Variants in PSMB10 observed in about 807,000 individuals in gnomAD.
The protein encoded by PSMB10 is proteasome 20S subunit beta 10.
In PSMB10, 29 loss-of-function variants were observed where a neutral mutation model predicts 29.8. The ratio of observed to expected loss-of-function variants is 0.97; its 90% confidence interval spans 0.73 to 1.33. PSMB10 has a LOEUF of 1.33. Ranked by LOEUF, PSMB10 falls within the 40% of genes most tolerant of loss-of-function variation. The pLI is 0.00. For missense variants in PSMB10, 327 were observed against 369.2 expected, an observed-to-expected ratio of 0.89 and a Z score of 0.94; for synonymous variants, 157 against 164.7, an observed-to-expected ratio of 0.95 and a Z score of 0.36.
At position 67,935,568 on chromosome 16, in the gene PSMB10, A is replaced by T; in HGVS notation, c.499+14T>A. ...CAGGGGCAGAGTTCGAGGAGAAGGG[A>T]CAGAAGCGCTCACCCAGGGCTGTGA... On this transcript the variant is annotated intron_variant, in intron 5 of 7. Coordinates refer to ENST00000358514, the MANE Select transcript of PSMB10 (RefSeq NM_002801.4). 2 of 1,613,914 alleles carry T rather than the reference A, an allele frequency of 1.2e-6. No homozygotes were observed. Among genetic ancestry groups the T allele is most frequent in the Non-Finnish European group, 1.7e-6 (2 of 1,179,810 alleles).
rs746101567 is a variant in PSMB10, at chr16:67,936,450, T to C, written c.92A>G (p.Lys31Arg). ...ASLERVLPGL[K>R]VPHARKTGTT... is the part of the protein sequence containing the mutation. ...CCCGGTCTTGCGTGCGTGAGGGACCTTGAGCCCCGGGAGGACGCGTTCCAA... is the reference window on the plus strand; with the variant it reads ...CCCGGTCTTGCGTGCGTGAGGGACCCTGAGCCCCGGGAGGACGCGTTCCAA... Residue 31 changes from lysine to arginine, a missense_variant, in exon 2 of 8, where the codon AAG (lysine) becomes AGG (arginine). Physicochemically the swap from Lys to Arg is conservative, Grantham distance 26. Coordinates refer to ENST00000358514, the MANE Select transcript of PSMB10 (RefSeq NM_002801.4). 1.5e-5 allele frequency: 24 copies of C among 1,613,450 alleles called. No homozygotes were observed. In the Admixed American group the frequency reaches 3.7e-4, roughly 25 times the overall value.
intron 1 of PSMB10, 34 bp downstream of exon 1, chr16:67,936,660 T>TCAGG: frequency 6.5e-7 from 1 of 1,532,584 alleles, no homozygotes; most frequent in Non-Finnish European, 8.8e-7. Context: ...CAGAGGCGGC[T>TCAGG]CAGGAGTGAC....
At chr16:67,936,146 G>A in intron 3 of PSMB10, 43 bp from the exon 4 acceptor site, 1 of 1,608,830 alleles carries the variant, frequency 6.2e-7, no homozygotes. Flanking sequence ...GCTGGGACGT[G>A]CGGGGACCGG....
chr16:67,935,430 G>A lies in PSMB10; in HGVS notation c.548C>T (p.Pro183Leu). The change falls in exon 6 of 8, where the codon CCG becomes CTG. Residue 183 changes from proline (P) to leucine (L), a missense_variant. Pro to Leu is a moderately conservative substitution (Grantham distance 98). Transcript: ENST00000358514. ...ACAGAGGCCGCTCACCGTCATGTTC[G>A]GCTGGAACCGGTCTTCTAGCACCGC... ...ALAVLEDRFQ[P>L]NMTLEAAQGL... The A allele has an allele frequency of 6.2e-7, 1 of 1,614,008 alleles. No individual in the cohort carries two copies. The highest frequency in any genetic ancestry group is 2.2e-5 in the East Asian group (1 of 44,876).
rs1179363814 is a variant in PSMB10 at position 67,936,756 on chromosome 16, G to A, written c.-7C>T. The A allele has an allele frequency of 4.5e-6, 7 of 1,555,344 alleles. No individual in the cohort carries two copies. The highest frequency in any genetic ancestry group is 8.7e-7 in the Non-Finnish European group (1 of 1,149,240). Reference sequence around the variant, plus strand: ...CCAGGGCTGGCTTCAGCATCTTGGGGCAGGCAGAGGGGATTAGGGGTCGCG... The same window carrying A: ...CCAGGGCTGGCTTCAGCATCTTGGGACAGGCAGAGGGGATTAGGGGTCGCG... On this transcript the variant is annotated 5_prime_UTR_variant, in exon 1 of 8. Coordinates refer to ENST00000358514, the MANE Select transcript of PSMB10 (RefSeq NM_002801.4).
chr16:67,935,557 G>A, intron 5 of PSMB10, 25 bp downstream of exon 5: 1 of 1,613,572 alleles, frequency 6.2e-7, no homozygotes, highest in South Asian at 1.1e-5. Flanking sequence ...GGCAGAGTTC[G>A]AGGAGAAGGG....
At position 67,936,774 on chromosome 16, in the gene PSMB10, G is replaced by C; in HGVS notation, c.-25C>G. On this transcript the variant is annotated 5_prime_UTR_variant, in exon 1 of 8. Coordinates refer to ENST00000358514, the MANE Select transcript of PSMB10 (RefSeq NM_002801.4). ...TCTTGGGGCAGGCAGAGGGGATTAG[G>C]GGTCGCGGGCGGATGAGTCGGCCAG... 3 of 1,548,874 alleles carry C rather than the reference G, an allele frequency of 1.9e-6. No individual in the cohort carries two copies. The highest frequency in any genetic ancestry group is 2.6e-6 in the Non-Finnish European group (3 of 1,145,864).
At position 67,936,323 on chromosome 16, in the gene PSMB10, G is replaced by A; in HGVS notation, c.145-11C>T. The A allele has an allele frequency of 3.1e-6, 5 of 1,612,364 alleles. No individual in the cohort carries two copies. The highest frequency in any genetic ancestry group is 4.2e-6 in the Non-Finnish European group (5 of 1,178,870). ...CAGAATGACCCCGTCCTGAGGAGAGGGAGGGACCGCAGCTTCAGTGCCTGC... is the reference window on the plus strand; with the variant it reads ...CAGAATGACCCCGTCCTGAGGAGAGAGAGGGACCGCAGCTTCAGTGCCTGC... On this transcript the variant is annotated splice_polypyrimidine_tract_variant and intron_variant, in intron 2 of 7. Coordinates refer to ENST00000358514, the MANE Select transcript of PSMB10 (RefSeq NM_002801.4).
In PSMB10 at chr16:67,935,475, G is replaced by C. The variant is rs1055071368; in HGVS notation, c.503C>G (p.Ser168Cys). 1 of 1,614,106 alleles carries C rather than the reference G, an allele frequency of 6.2e-7. No individual in the cohort carries two copies. The highest frequency in any genetic ancestry group is 1.3e-5 in the African/African-American group (1 of 74,950). ...CACCGCCAGGGCCGCGTCCTGACCAGAGCCTGAAGGCAGGAGAAGCATCTG... is the reference window on the plus strand; with the variant it reads ...CACCGCCAGGGCCGCGTCCTGACCACAGCCTGAAGGCAGGAGAAGCATCTG... ...YSRLPFTALG[S>C]GQDAALAVLE... Residue 168 changes from serine (S) to cysteine (C), a missense_variant, in exon 6 of 8, where the codon TCT becomes TGT. By Grantham distance (112) the Ser-to-Cys change is moderately radical. Transcript: ENST00000358514.
In PSMB10 at chr16:67,934,535, C is replaced by G. The variant is rs1567405511; in HGVS notation, c.*25G>C. Reference sequence around the variant, plus strand: ...ACTGTATTTTCTGGGTTTATTCCCCCTTGTTCCAAGCTCTAAGCCTCAGCT... The same window carrying G: ...ACTGTATTTTCTGGGTTTATTCCCCGTTGTTCCAAGCTCTAAGCCTCAGCT... On this transcript the variant is annotated 3_prime_UTR_variant, in exon 8 of 8. Coordinates refer to ENST00000358514, the MANE Select transcript of PSMB10 (RefSeq NM_002801.4). The surrounding 1 kb of genome is among the most constrained non-coding windows in gnomAD (Gnocchi z 4.3). 1 of 1,599,322 alleles carries G rather than the reference C, an allele frequency of 6.3e-7. No homozygotes were observed. Among genetic ancestry groups the G allele is most frequent in the East Asian group, 2.2e-5 (1 of 44,782 alleles).
chr16:67,934,752 C>G lies in PSMB10; in HGVS notation c.710+45G>C. On this transcript the variant is annotated intron_variant, in intron 7 of 7. Coordinates refer to ENST00000358514, the MANE Select transcript of PSMB10 (RefSeq NM_002801.4). The surrounding 1 kb of genome is among the most constrained non-coding windows in gnomAD (Gnocchi z 4.3). ...TTTTTGCAGCCCCCTATCTCCCCTG[C>G]TATAGCCCCACACATCCCTGTGGTC... is the stretch of plus-strand genomic sequence containing the variant. The G allele has an allele frequency of 6.2e-7, 1 of 1,610,786 alleles. No homozygotes were observed. Among genetic ancestry groups the G allele is most frequent in the South Asian group, 1.1e-5 (1 of 91,030 alleles).
rs767984047 is a variant in PSMB10, at chr16:67,934,702, T to C, written c.711-31A>G. 1 of 1,613,148 alleles carries C rather than the reference T, an allele frequency of 6.2e-7. No homozygotes were observed. Among genetic ancestry groups the C allele is most frequent in the East Asian group, 2.2e-5 (1 of 44,860 alleles). On this transcript the variant is annotated intron_variant, in intron 7 of 7. Transcript: ENST00000358514. The surrounding 1 kb of genome is among the most constrained non-coding windows in gnomAD (Gnocchi z 4.3). ...AGGGAGGAGGGACAGCCTCTGAACATGGGCCTGTCATGTGGCCCATCCCCT... is the reference window on the plus strand; with the variant it reads ...AGGGAGGAGGGACAGCCTCTGAACACGGGCCTGTCATGTGGCCCATCCCCT...
At position 67,935,972 on chromosome 16, in the gene PSMB10, G is replaced by A; in HGVS notation, c.374C>T (p.Thr125Met). The change falls in exon 4 of 8, where the codon ACG (threonine) becomes ATG (methionine). Residue 125 changes from threonine (T) to methionine (M), a missense_variant. Physicochemically the swap from Thr to Met is moderately conservative, Grantham distance 81. Coordinates refer to ENST00000358514, the MANE Select transcript of PSMB10 (RefSeq NM_002801.4). ...VATVTRILRQ[T>M]LFRYQGHVGA... ...AGCCCTGCCCCCGCACCTGAAGAGCGTCTGGCGCAGGATGCGAGTGACCGT... is the reference window on the plus strand; with the variant it reads ...AGCCCTGCCCCCGCACCTGAAGAGCATCTGGCGCAGGATGCGAGTGACCGT... 1.2e-6 allele frequency: 2 copies of A among 1,610,836 alleles called. No individual in the cohort carries two copies. The highest frequency in any genetic ancestry group is 8.5e-7 in the Non-Finnish European group (1 of 1,178,140).
At chr16:67,935,153 T>A (rs1320033078) in intron 6 of PSMB10, 1 of 725,704 alleles carries the variant, frequency 1.4e-6, no homozygotes, top group East Asian at 2.7e-5. Context: ...CAGACGTTGA[T>A]ATAAGTAGGA....
Position 67,935,898 on chromosome 16 carries a change from C to G in PSMB10, c.383+65G>C. 23 of 1,567,406 alleles carry G rather than the reference C, an allele frequency of 1.5e-5. 1 individual carries two copies. The South Asian group carries it at 2.7e-4, about 18-fold the overall frequency. On this transcript the variant is annotated intron_variant, in intron 4 of 7. Coordinates refer to ENST00000358514, the MANE Select transcript of PSMB10 (RefSeq NM_002801.4). ...CGCGGTCCCGCCCTTCTTTCTGTCC[C>G]GCCTTCCAATGGCCCCAACCCCGTA...
chr16:67,934,641 G>C lies in PSMB10; in HGVS notation c.741C>G (p.Thr247=). The C allele has an allele frequency of 6.2e-7, 1 of 1,614,162 alleles. No individual in the cohort carries two copies. Among genetic ancestry groups the C allele is most frequent in the Non-Finnish European group, 8.5e-7 (1 of 1,180,008 alleles). The change falls in exon 8 of 8, where the codon ACC becomes ACG. Residue 247 remains threonine, a synonymous_variant. Coordinates refer to ENST00000358514, the MANE Select transcript of PSMB10 (RefSeq NM_002801.4). The surrounding 1 kb of genome is among the most constrained non-coding windows in gnomAD (Gnocchi z 4.3). The part of the protein sequence containing the change: ...RSGRYHFVPG[T]TAVLTQTVKP... Reference sequence around the variant, plus strand: ...TCACTGTCTGGGTCAGGACAGCTGTGGTTCCAGGCACAAAGTGGTAGCGGC... The same window carrying C: ...TCACTGTCTGGGTCAGGACAGCTGTCGTTCCAGGCACAAAGTGGTAGCGGC...
intron 4 of PSMB10, 77 bp downstream of exon 4, chr16:67,935,886 T>G: frequency 1.3e-6 from 2 of 1,557,816 alleles, no homozygotes; most frequent in South Asian, 2.4e-5. Context: ...GGTCCCGCCC[T>G]TCTTTCTGTC....
Position 67,934,934 on chromosome 16 carries a change from C to G in PSMB10, c.573G>C (p.Gln191His), listed in dbSNP as rs1246947788. 6.2e-7 allele frequency: 1 copy of G among 1,611,978 alleles called. No individual in the cohort carries two copies. The highest frequency in any genetic ancestry group is 8.5e-7 in the Non-Finnish European group (1 of 1,180,000). Residue 191 changes from glutamine to histidine, a missense_variant, in exon 7 of 8, where the codon CAG becomes CAC. Transcript: ENST00000358514. This position sits in a 1 kb window ranked among gnomAD's most constrained non-coding sequence, Gnocchi z 4.3. ...CGGTGACGGCTTCCACCAGCAGCCC[C>G]TGAGCAGCCTCCAGCTGCGGTGATG... is the stretch of plus-strand genomic sequence containing the variant. ...FQPNMTLEAA[Q>H]GLLVEAVTAG...
rs750557294 is a variant in PSMB10, at chr16:67,934,600, T to G, written c.782A>C (p.Glu261Ala). 6.2e-7 allele frequency: 1 copy of G among 1,614,120 alleles called. No homozygotes were observed. The highest frequency in any genetic ancestry group is 1.7e-5 in the Admixed American group (1 of 60,018). Residue 261 changes from glutamate to alanine, a missense_variant, in exon 8 of 8, where the codon GAG becomes GCG. Physicochemically the swap from Glu to Ala is moderately radical, Grantham distance 107 (BLOSUM62 -1). Coordinates refer to ENST00000358514, the MANE Select transcript of PSMB10 (RefSeq NM_002801.4). The surrounding 1 kb of genome is among the most constrained non-coding windows in gnomAD (Gnocchi z 4.3). Reference sequence around the variant, plus strand: ...AGCCTGCACAGTTTCCTCCACTAGCTCCAGGGTTAGTGGCTTCACTGTCTG... The same window carrying G: ...AGCCTGCACAGTTTCCTCCACTAGCGCCAGGGTTAGTGGCTTCACTGTCTG... ...LTQTVKPLTL[E>A]LVEETVQAME...
Sources: gnomAD v4.1 joint callset for allele counts on GRCh38, gnomAD v4.1.1 for gene constraint, Gnocchi (gnomAD v3.1) non-coding constraint, MANE v1.5 for transcripts, NCBI Gene and HGNC (gene_info 2026-07-23, HGNC 2026-07-21) for gene names.